The following CCDC148 variants were observed in gnomAD, a reference collection of about 807,000 sequenced individuals.
CCDC148 encodes coiled-coil domain-containing protein 148.
CCDC148 carries 89 observed loss-of-function variants against 85.7 expected under a neutral mutation model. The ratio of observed to expected loss-of-function variants is 1.04; its 90% CI spans 0.87 to 1.24. The LOEUF (loss-of-function observed/expected upper bound fraction) is 1.24, where lower values mean the gene tolerates loss of function less well. CCDC148 is among the 50% of genes most tolerant of loss of function. CCDC148 has a pLI of 0.00. For synonymous variants in CCDC148, 230 were observed against 213.9 expected, an observed-to-expected ratio of 1.08 and a Z score of -0.66; for missense variants, 692 against 671.7, an observed-to-expected ratio of 1.03 and a Z score of -0.33.
Position 158,338,860 on chromosome 2 carries a change from C to T in CCDC148, c.630G>A (p.Leu210=), listed in dbSNP as rs1225143088. The T allele has an allele frequency of 2.5e-6, 4 of 1,611,788 alleles. No individual in the cohort carries two copies. In the South Asian group the frequency reaches 4.4e-5, roughly 18 times the overall value. Residue 210 remains leucine, a synonymous_variant, in exon 7 of 14, where the codon CTG becomes CTA. Coordinates refer to ENST00000283233, the MANE Select transcript of CCDC148 (RefSeq NM_138803.4). ...ATTCCAAACTTTCTAATTCAATGGG[C>T]AGTTCACTAAGCGGGTTAGTCTTTT... ...LEEKTNPLSE[L]PIELESLECP...
intron 9 of CCDC148, among the ~76,000 whole-genome samples, chr2:158,260,707 CT>C (rs546413933): frequency 3.0e-3 from 463 of 152,130 alleles, no homozygotes; most frequent in Non-Finnish European, 4.9e-3. Flanking sequence ...CACTAGCATT[CT>C]TATACACCAA....
At chr2:158,332,811 T>G (rs1693208484) in intron 7 of CCDC148, among the ~76,000 whole-genome samples, 1 of 152,140 alleles carries the variant, frequency 6.6e-6, no homozygotes, top group Non-Finnish European at 1.5e-5. Context: ...TTTTCTAGTT[T>G]ATTTGCGTAG....
chr2:158,356,721 C>G (rs1342591540), intron 2 of CCDC148, among the ~76,000 whole-genome samples: 17 of 146,638 alleles, frequency 1.2e-4, no homozygotes, highest in African/African-American at 3.6e-4. Context: ...CCCAGCAATC[C>G]CATTACTGGG....
intron 10 of CCDC148, among the ~76,000 whole-genome samples, chr2:158,250,233 T>C (rs943058241): frequency 6.6e-6 from 1 of 152,060 alleles, no homozygotes; most frequent in African/African-American, 2.4e-5. Flanking sequence ...GTTTTAAGAT[T>C]GTGCAACAAA....
chr2:158,351,954 C>A (rs1446025161), intron 2 of CCDC148, among the ~76,000 whole-genome samples: 8 of 145,196 alleles, frequency 5.5e-5, no homozygotes, highest in Admixed American at 2.0e-4. Flanking sequence ...AGGCACCCCC[C>A]AGCAGGGGCA....
chr2:158,198,601 C>A (rs1685795218), intron 11 of CCDC148, among the ~76,000 whole-genome samples: 1 of 152,170 alleles, frequency 6.6e-6, no homozygotes, highest in Admixed American at 6.5e-5. Context: ...CCTAATGATG[C>A]CTGGGATTTC....
At chr2:158,174,221 G>A in intron 13 of CCDC148, among the ~76,000 whole-genome samples, 1 of 151,950 alleles carries the variant, frequency 6.6e-6, no homozygotes, top group East Asian at 1.9e-4. Context: ...TTACAGATGA[G>A]GAAAACAAGG....
At chr2:158,334,222 A>G (rs1393282172) in intron 7 of CCDC148, among the ~76,000 whole-genome samples, 1 of 152,094 alleles carries the variant, frequency 6.6e-6, no homozygotes, top group Non-Finnish European at 1.5e-5. Flanking sequence ...TTCTTAGCTC[A>G]TTACTGGTTC....
rs150513791 is a variant in CCDC148 at position 158,172,237 on chromosome 2, C to T, written c.1652G>A (p.Arg551His). Residue 551 changes from arginine (R) to histidine (H), a missense_variant, in exon 14 of 14, where the codon CGC (arginine) becomes CAC (histidine). Transcript: ENST00000283233. The part of the protein sequence containing the change: ...EQQIISDPRL[R>H]FELALREAGL... Reference sequence around the variant, plus strand: ...AGCTTCTCGAAGTGCTAACTCGAAGCGAAGTCTAGGGTCAGAAATTATCTG... The same window carrying T: ...AGCTTCTCGAAGTGCTAACTCGAAGTGAAGTCTAGGGTCAGAAATTATCTG... 118 of 1,605,210 alleles carry T rather than the reference C, an allele frequency of 7.4e-5. No individual in the cohort carries two copies. The highest frequency in any genetic ancestry group is 1.7e-4 in the Middle Eastern group (1 of 5,984).
At chr2:158,443,456 A>G (rs548069014) in intron 1 of CCDC148, among the ~76,000 whole-genome samples, 58 of 140,308 alleles carry the variant, frequency 4.1e-4, no homozygotes, top group Non-Finnish European at 4.9e-4. Flanking sequence ...GTCAGCCATG[A>G]TGGTGCCACT....
At chr2:158,210,499 C>T (rs1686505465) in intron 11 of CCDC148, among the ~76,000 whole-genome samples, 1 of 152,124 alleles carries the variant, frequency 6.6e-6, no homozygotes, top group South Asian at 2.1e-4. Flanking sequence ...CCCAAGTCAA[C>T]AGAATATGCA....
intron 1 of CCDC148, among the ~76,000 whole-genome samples, chr2:158,359,972 G>T (rs527986970): frequency 1.3e-5 from 2 of 152,316 alleles, no homozygotes; most frequent in African/African-American, 4.8e-5. Context: ...GACCAGGAAT[G>T]ATTGAGCTTT....
intron 1 of CCDC148, among the ~76,000 whole-genome samples, chr2:158,433,934 C>T (rs889974528): frequency 2.0e-5 from 3 of 152,334 alleles, no homozygotes; most frequent in East Asian, 1.9e-4. Flanking sequence ...GAGGGGCGTC[C>T]GCCATTGCTG....
rs775184995 is a variant in CCDC148, at chr2:158,250,900, G to A, written c.1123C>T (p.Arg375Ter). Residue 375 changes from arginine (R) to a stop codon, truncating the protein, a stop_gained, in exon 10 of 14, where the codon CGA becomes TGA. Transcript: ENST00000283233. LOFTEE classifies it high-confidence loss of function. ...CTTGCTACCTCTTCTTGGTGGGCTC[G>A]CCATTGACGAACCTGAAATAAAGAG... ...ADLKAKVRQW[R>*]AHQEEVARLE... The A allele has an allele frequency of 2.5e-6, 4 of 1,593,138 alleles. No homozygotes were observed. The highest frequency in any genetic ancestry group is 1.8e-5 in the Admixed American group (1 of 56,068).
At chr2:158,411,805 C>T (rs1452229805) in intron 1 of CCDC148, among the ~76,000 whole-genome samples, 2 of 152,118 alleles carry the variant, frequency 1.3e-5, no homozygotes, top group African/African-American at 4.8e-5. Flanking sequence ...GGAGTTATTT[C>T]TTCCATACTT....
rs1312972489 is a variant in CCDC148, at chr2:158,340,934, T to C, written c.252-254A>G. 9.9e-5 allele frequency among the ~76,000 whole-genome samples: 15 copies of C among 152,072 alleles called. 1 individual carries two copies. Among genetic ancestry groups the C allele is most frequent in the Admixed American group, 5.2e-4 (8 of 15,276 alleles). On this transcript the variant is annotated intron_variant, in intron 3 of 13. Coordinates refer to ENST00000283233, the MANE Select transcript of CCDC148 (RefSeq NM_138803.4). ...TTGCATGTGGAGAGGACCCAGAGCA[T>C]TGGGAAGCACTGAAGGTCAGTAGGC... is the stretch of plus-strand genomic sequence containing the variant.
intron 1 of CCDC148, among the ~76,000 whole-genome samples, chr2:158,375,641 TG>T (rs1441989877): frequency 6.6e-6 from 1 of 152,138 alleles, no homozygotes; most frequent in Non-Finnish European, 1.5e-5. Context: ...GGTAAAATAT[TG>T]GCTTTCCTTT....
chr2:158,180,082 G>C (rs752625010), intron 11 of CCDC148, among the ~76,000 whole-genome samples: 8 of 152,072 alleles, frequency 5.3e-5, no homozygotes, highest in Non-Finnish European at 1.0e-4. Context: ...GGGTTCTCAG[G>C]GGAGTATTAG....
At chr2:158,266,656 T>G (rs757606341) in intron 9 of CCDC148, among the ~76,000 whole-genome samples, 13 of 152,022 alleles carry the variant, frequency 8.6e-5, no homozygotes, top group Non-Finnish European at 1.9e-4. Flanking sequence ...CAAAGTCCAT[T>G]GGTCATTCTT....
Sources: gnomAD v4.1 joint callset for allele counts (sites outside exome capture counted in the v4.1 genomes callset) on GRCh38, gnomAD v4.1.1 for gene constraint, MANE v1.5 for transcripts, NCBI Gene and HGNC (gene_info 2026-07-23, HGNC 2026-07-21) for gene names.